Variants in LRRC7 observed in about 807,000 individuals in gnomAD.
LRRC7 encodes leucine-rich repeat-containing protein 7.
LRRC7 carries 23 observed loss-of-function variants against 175.7 expected under a neutral mutation model. The observed-to-expected ratio is 0.13, with a 90% CI of 0.09 to 0.19. LRRC7 has a LOEUF of 0.19. Ranked by LOEUF, LRRC7 falls within the 10% of genes least tolerant of loss-of-function variation. LRRC7 has a pLI of 1.00. For synonymous variants in LRRC7, 685 were observed against 680.9 expected, an observed-to-expected ratio of 1.01 and a Z score of -0.09; for missense variants, 1,354 against 1,904.7, an observed-to-expected ratio of 0.71 and a Z score of 5.38.
chr1:70,001,147 A>T (rs527427025), intron 11 of LRRC7, among the ~76,000 whole-genome samples: 3 of 152,158 alleles, frequency 2.0e-5, no homozygotes, highest in Non-Finnish European at 4.4e-5. Flanking sequence ...TCAACACTAG[A>T]TCCTAACCTA....
chr1:69,706,266 G>A (rs906063909), intron 2 of LRRC7, among the ~76,000 whole-genome samples: 25 of 152,076 alleles, frequency 1.6e-4, no homozygotes, highest in Non-Finnish European at 1.9e-4. Flanking sequence ...TCTTGTTCAG[G>A]TCCAACTATC....
Position 70,123,006 on chromosome 1 carries a change from G to T in LRRC7, c.*1119G>T, listed in dbSNP as rs1666288784. 6.6e-6 allele frequency: 1 copy of T among 152,414 alleles called. No individual in the cohort carries two copies. The highest frequency in any genetic ancestry group is 1.5e-5 in the Non-Finnish European group (1 of 67,936). The allele number at this position is 152,414 out of a possible 1,614,324, so 9.4% of individuals were successfully genotyped here. A position where few individuals can be genotyped will look rare whatever the true frequency, so the allele number is the denominator to read the frequency against. ...TCTACCTGTATCATTAATTTCAATG[G>T]CTGTTTTTCTGGGCAGAAATAGATA... On this transcript the variant is annotated 3_prime_UTR_variant, in exon 27 of 27. Coordinates refer to ENST00000651989, the MANE Select transcript of LRRC7 (RefSeq NM_001370785.2).
At chr1:70,093,453 T>A (rs1664172468) in intron 25 of LRRC7, among the ~76,000 whole-genome samples, 1 of 152,152 alleles carries the variant, frequency 6.6e-6, no homozygotes, top group Non-Finnish European at 1.5e-5. Flanking sequence ...GCAGATAAGA[T>A]TTGAAACAAA....
intron 2 of LRRC7, among the ~76,000 whole-genome samples, chr1:69,759,280 A>G (rs1216588904): frequency 6.6e-6 from 1 of 151,780 alleles, no homozygotes; most frequent in East Asian, 1.9e-4. Flanking sequence ...TTAAATACAT[A>G]CTATATATCA....
In LRRC7 at chr1:69,822,946, C is replaced by T. The variant is rs189816399; in HGVS notation, c.422-2802C>T. ...TGTCACTGAAAATATCTTTATTCCA[C>T]ACTCATTTTCATAGTTTTGGAATAT... On this transcript the variant is annotated intron_variant, in intron 4 of 26. Transcript: ENST00000651989. Among the ~76,000 whole-genome samples, 10 of 152,322 alleles carry T rather than the reference C, an allele frequency of 6.6e-5. No individual in the cohort carries two copies. The East Asian group carries it at 1.5e-3, about 23-fold the overall frequency.
chr1:69,642,854 A>AGATAGATAGATT (rs1459856598), intron 1 of LRRC7, among the ~76,000 whole-genome samples: 14 of 151,338 alleles, frequency 9.3e-5, no homozygotes, highest in African/African-American at 2.7e-4. Context: ...ATAGATAGAT[A>AGATAGATAGATT]GATTATACGA....
At chr1:69,861,995 G>T (rs552152755) in intron 7 of LRRC7, among the ~76,000 whole-genome samples, 32 of 152,262 alleles carry the variant, frequency 2.1e-4, no homozygotes, top group African/African-American at 7.7e-4. Context: ...TGCCTTCTCT[G>T]TTGAGATAAT....
intron 3 of LRRC7, among the ~76,000 whole-genome samples, chr1:69,788,458 G>A (rs1674745835): frequency 1.3e-5 from 2 of 152,088 alleles, no homozygotes; most frequent in African/African-American, 4.8e-5. Context: ...CTTTAGTGCT[G>A]AAGACAAATC....
At chr1:69,915,481 T>A (rs1646657940) in intron 7 of LRRC7, among the ~76,000 whole-genome samples, 1 of 152,136 alleles carries the variant, frequency 6.6e-6, no homozygotes, top group Admixed American at 6.6e-5. Flanking sequence ...GCTTCTAGTC[T>A]AAGAAATGTC....
chr1:70,132,457 C>CTTTTTTTTTTTTTTT lies in LRRC7; in HGVS notation c.*10582_*10596dup, dbSNP rs149091576. ...TTTCTTTTTTCTTTTCTTTTCTTTT[C>CTTTTTTTTTTTTTTT]TTTTTTTTTTTTTTTTTTTTTTTTT... is the stretch of plus-strand genomic sequence containing the variant. On this transcript the variant is annotated 3_prime_UTR_variant, in exon 27 of 27. Transcript: ENST00000651989. Among the ~76,000 whole-genome samples, 3 of 76,450 alleles carry CTTTTTTTTTTTTTTT rather than the reference C, an allele frequency of 3.9e-5. No homozygotes were observed. Among genetic ancestry groups the CTTTTTTTTTTTTTTT allele is most frequent in the East Asian group, 4.3e-4 (1 of 2,308 alleles). The allele number at this position is 76,450 out of a possible 152,430, so 50.2% of individuals were successfully genotyped here.
At chr1:70,120,101 G>A (rs1666114294) in intron 26 of LRRC7, among the ~76,000 whole-genome samples, 1 of 151,976 alleles carries the variant, frequency 6.6e-6, no homozygotes, top group African/African-American at 2.4e-5. Flanking sequence ...CCCATATGCT[G>A]TATTCTTTAC....
chr1:69,936,783 A>G (rs936159599), intron 8 of LRRC7, among the ~76,000 whole-genome samples: 4 of 152,018 alleles, frequency 2.6e-5, no homozygotes, highest in African/African-American at 9.7e-5. Context: ...CTGTGTGCTC[A>G]ATGTTTAGCT....
In LRRC7 at chr1:70,130,682, A is replaced by G. The variant is rs568227010; in HGVS notation, c.*8795A>G. Among the ~76,000 whole-genome samples the G allele has an allele frequency of 1.3e-5, 2 of 152,334 alleles. No individual in the cohort carries two copies. The highest frequency in any genetic ancestry group is 4.8e-5 in the African/African-American group (2 of 41,568). On this transcript the variant is annotated 3_prime_UTR_variant, in exon 27 of 27. Transcript: ENST00000651989. ...CTTTTATTTAATTGGAGCACACCAT[A>G]TCTATCCTTTTGATTTGATTGGGTT...
At chr1:69,816,724 C>A (rs755180259) in intron 4 of LRRC7, among the ~76,000 whole-genome samples, 1 of 152,062 alleles carries the variant, frequency 6.6e-6, no homozygotes, top group Non-Finnish European at 1.5e-5. Flanking sequence ...ACTATAGTCT[C>A]CATAGTATAT....
intron 8 of LRRC7, among the ~76,000 whole-genome samples, chr1:69,941,809 G>A (rs1648745894): frequency 6.6e-6 from 1 of 151,932 alleles, no homozygotes; most frequent in South Asian, 2.1e-4. Context: ...TTGGTTTCAT[G>A]CTCTTTGACA....
intron 4 of LRRC7, among the ~76,000 whole-genome samples, chr1:69,795,361 C>A (rs1224035809): frequency 2.2e-5 from 3 of 138,062 alleles, no homozygotes; most frequent in African/African-American, 8.2e-5. Context: ...GACGACAGAG[C>A]AAGACACCGT....
chr1:69,999,699 A>G (rs1400330253), intron 11 of LRRC7, among the ~76,000 whole-genome samples: 1 of 152,192 alleles, frequency 6.6e-6, no homozygotes, highest in East Asian at 1.9e-4. Flanking sequence ...TCTGGACATC[A>G]TCTATGTGAA....
intron 2 of LRRC7, among the ~76,000 whole-genome samples, chr1:69,698,020 A>G (rs1221821139): frequency 6.6e-6 from 1 of 152,210 alleles, no homozygotes; most frequent in African/African-American, 2.4e-5. Flanking sequence ...CAATCAGACA[A>G]TTCCTTAAAC....
chr1:69,666,718 G>A (rs1367366540), intron 1 of LRRC7, among the ~76,000 whole-genome samples: 1 of 151,042 alleles, frequency 6.6e-6, no homozygotes, highest in East Asian at 1.9e-4. Context: ...TTTTACTCTG[G>A]CTAAAGGCTT....
Sources: allele counts gnomAD v4.1 joint callset (sites outside exome capture counted in the v4.1 genomes callset), GRCh38; gene constraint gnomAD v4.1.1; transcripts MANE v1.5; gene names NCBI Gene and HGNC (gene_info 2026-07-23, HGNC 2026-07-21).